Variants in DCAF7 observed in about 807,000 individuals in gnomAD.
DCAF7 encodes DDB1 and CUL4 associated factor 7.
A neutral mutation model predicts 41.2 loss-of-function variants in DCAF7; 4 were observed. The ratio of observed to expected loss-of-function variants is 0.10; its 90% CI spans 0.05 to 0.22. DCAF7 has a LOEUF of 0.22. DCAF7 is among the 10% of genes least tolerant of loss of function. DCAF7 has a pLI of 1.00. For missense variants in DCAF7, 131 were observed against 443.2 expected (o/e 0.30, Z 6.32); for synonymous variants, 143 against 164.2 (o/e 0.87, Z 0.99).
At chr17:63,584,207 C>G (rs1047777748) in intron 5 of DCAF7, among the ~76,000 whole-genome samples, 6 of 152,212 alleles carry the variant, frequency 3.9e-5, no homozygotes, top group African/African-American at 1.2e-4. Context: ...CTCTGGGTCA[C>G]GCCTGTAATC....
chr17:63,558,297 A>G (rs1717120595), intron 1 of DCAF7, among the ~76,000 whole-genome samples: 1 of 152,220 alleles, frequency 6.6e-6, no homozygotes, highest in Non-Finnish European at 1.5e-5. Flanking sequence ...TAGGCTAGCT[A>G]CATTTGATGA....
chr17:63,551,420 T>C lies in DCAF7; in HGVS notation c.138+605T>C, dbSNP rs532835632. Among the ~76,000 whole-genome samples the C allele has an allele frequency of 1.3e-4, 20 of 151,986 alleles. No homozygotes were observed. The South Asian group carries it at 4.2e-3, about 32-fold the overall frequency. ...TCTTTGGAAATCTTGGCCTGTGGCA[T>C]GATCCCGCCGTTGTTTCCTGAACAC... On this transcript the variant is annotated intron_variant, in intron 1 of 6. Coordinates refer to ENST00000614556, the MANE Select transcript of DCAF7 (RefSeq NM_005828.5).
chr17:63,587,467 C>G (rs897523422), intron 6 of DCAF7, among the ~76,000 whole-genome samples: 1 of 152,128 alleles, frequency 6.6e-6, no homozygotes. Flanking sequence ...TTGTCTGGCT[C>G]GCTGTTGTTT....
chr17:63,583,332 C>A (rs776491095), intron 4 of DCAF7, among the ~76,000 whole-genome samples, 170 bp from the exon 5 acceptor site: 2 of 152,174 alleles, frequency 1.3e-5, no homozygotes, highest in Non-Finnish European at 2.9e-5. Context: ...TGGGAAGCCA[C>A]TGATATTAGA....
Position 63,593,172 on chromosome 17 carries a change from G to C in DCAF7, c.*4000G>C, listed in dbSNP as rs1375216612. On this transcript the variant is annotated 3_prime_UTR_variant, in exon 7 of 7. Coordinates refer to ENST00000614556, the MANE Select transcript of DCAF7 (RefSeq NM_005828.5). ...TGTGTACTCCAGGACGAAGAAGGAA[G>C]ATCATGCTTGATACTTAGATTGGTT... 6.5e-6 allele frequency: 1 copy of C among 152,786 alleles called. No individual in the cohort carries two copies. The highest frequency in any genetic ancestry group is 2.4e-5 in the African/African-American group (1 of 41,468). 9.5% of individuals were successfully genotyped at this position (152,786 alleles called of 1,614,324 possible). A position where few individuals can be genotyped will look rare whatever the true frequency, so the allele number is the denominator to read the frequency against.
At chr17:63,575,744 G>A (rs770817087) in intron 1 of DCAF7, among the ~76,000 whole-genome samples, 2 of 152,172 alleles carry the variant, frequency 1.3e-5, no homozygotes, top group African/African-American at 4.8e-5. Flanking sequence ...ATGTTTATGC[G>A]TTGGAAGACT....
intron 1 of DCAF7, among the ~76,000 whole-genome samples, chr17:63,554,521 C>T (rs2033291565): frequency 6.6e-6 from 1 of 152,248 alleles, no homozygotes; most frequent in South Asian, 2.1e-4. Context: ...TCTGCCCTTC[C>T]ATCCAAGTTC....
At chr17:63,583,424 G>A in intron 4 of DCAF7, 78 bp from the exon 5 acceptor site, 3 of 1,290,786 alleles carry the variant, frequency 2.3e-6, no homozygotes, top group Non-Finnish European at 3.3e-6. Flanking sequence ...TAGATGAACT[G>A]GACGTGGCAG....
At chr17:63,570,557 T>C (rs2033495579) in intron 1 of DCAF7, among the ~76,000 whole-genome samples, 1 of 152,172 alleles carries the variant, frequency 6.6e-6, no homozygotes, top group Non-Finnish European at 1.5e-5. Context: ...CCTCTTCCCT[T>C]GTGAGGGAGG....
intron 1 of DCAF7, among the ~76,000 whole-genome samples, chr17:63,561,604 A>C (rs921301418): frequency 1.3e-4 from 20 of 152,068 alleles, no homozygotes; most frequent in Non-Finnish European, 1.5e-5. Context: ...CTGTGGTTTC[A>C]GCTACTTGGG....
intron 1 of DCAF7, 34 bp from the exon 2 acceptor site, chr17:63,578,436 A>G: frequency 6.2e-7 from 1 of 1,613,678 alleles, no homozygotes; most frequent in Non-Finnish European, 8.5e-7. Flanking sequence ...ACTGCTCACA[A>G]ATGCTTATGT....
intron 1 of DCAF7, among the ~76,000 whole-genome samples, chr17:63,568,632 G>A (rs1442321442): frequency 2.0e-5 from 3 of 152,086 alleles, no homozygotes; most frequent in Non-Finnish European, 4.4e-5. Flanking sequence ...TTTAACGTTC[G>A]TTGCTCGCAA....
At chr17:63,559,056 A>G (rs989476727) in intron 1 of DCAF7, among the ~76,000 whole-genome samples, 2 of 151,938 alleles carry the variant, frequency 1.3e-5, no homozygotes, top group Admixed American at 1.3e-4. Context: ...TCACGCCTGT[A>G]ATTCCAGCAC....
rs1345999910 is a variant in DCAF7, at chr17:63,579,441, T to C, written c.402T>C (p.Tyr134=). 1 of 1,601,744 alleles carries C rather than the reference T, an allele frequency of 6.2e-7. No individual in the cohort carries two copies. The highest frequency in any genetic ancestry group is 8.5e-7 in the Non-Finnish European group (1 of 1,172,592). The change falls in exon 3 of 7, where the codon TAT becomes TAC. Residue 134 remains tyrosine, a synonymous_variant. Coordinates refer to ENST00000614556, the MANE Select transcript of DCAF7 (RefSeq NM_005828.5). Reference sequence around the variant, plus strand: ...TTGACTGGAATGAGGTGGATCCTTATCTTTTAGGTAAGGGAGTTAGGGAGT... The same window carrying C: ...TTGACTGGAATGAGGTGGATCCTTACCTTTTAGGTAAGGGAGTTAGGGAGT... The part of the protein sequence containing the change: ...TSFDWNEVDP[Y]LLGTSSIDTT...
At chr17:63,566,290 G>C (rs1432006509) in intron 1 of DCAF7, among the ~76,000 whole-genome samples, 1 of 151,688 alleles carries the variant, frequency 6.6e-6, no homozygotes, top group African/African-American at 2.4e-5. Context: ...AGAATGGCGT[G>C]AACCTGGGAG....
chr17:63,581,629 G>A (rs574933856), intron 4 of DCAF7, among the ~76,000 whole-genome samples: 4 of 152,354 alleles, frequency 2.6e-5, no homozygotes, highest in African/African-American at 9.6e-5. Flanking sequence ...CTGAGACCCT[G>A]CCAAATGCAC....
At position 63,591,699 on chromosome 17, in the gene DCAF7, T is replaced by C. The variant is rs2033735307; in HGVS notation, c.*2527T>C. ...CCATCCATGCTCCAGAAAGCACCGA[T>C]CTGTTGTAGTTGCAAAAACAACTCT... On this transcript the variant is annotated 3_prime_UTR_variant, in exon 7 of 7. Transcript: ENST00000614556. The C allele has an allele frequency of 6.6e-6, 1 of 152,246 alleles. No individual in the cohort carries two copies. Among genetic ancestry groups the C allele is most frequent in the African/African-American group, 2.4e-5 (1 of 41,462 alleles). 9.4% of individuals were successfully genotyped at this position (152,246 alleles called of 1,614,324 possible).
In DCAF7 at chr17:63,558,624, A is replaced by G. The variant is rs9915551; in HGVS notation, c.138+7809A>G. 6.6e-3 allele frequency among the ~76,000 whole-genome samples: 1,010 copies of G among 152,268 alleles called. 13 individuals carry two copies. The highest frequency in any genetic ancestry group is 0.022 in the African/African-American group (927 of 41,552). The stretch of plus-strand genomic sequence containing the variant: ...GTGAGTATAACTCACTGTAACCTCA[A>G]ACTCCTGGGCTTAATCAGTAGGTGT... On this transcript the variant is annotated intron_variant, in intron 1 of 6. Transcript: ENST00000614556.
At chr17:63,581,764 A>T (rs931510527) in intron 4 of DCAF7, among the ~76,000 whole-genome samples, 2 of 152,224 alleles carry the variant, frequency 1.3e-5, no homozygotes, top group Admixed American at 1.3e-4. Context: ...CTGAGAAAGG[A>T]TAGTGGCTCT....
Sources: gnomAD v4.1 joint callset for allele counts (sites outside exome capture counted in the v4.1 genomes callset) on GRCh38, gnomAD v4.1.1 for gene constraint, MANE v1.5 for transcripts, NCBI Gene and HGNC (gene_info 2026-07-23, HGNC 2026-07-21) for gene names.